SPTAN1: variants seen among roughly 807,000 people sequenced by gnomAD.
SPTAN1 encodes the protein spectrin alpha chain, non-erythrocytic 1.
In SPTAN1, 61 loss-of-function variants were observed where a neutral mutation model predicts 331.3. That is an observed-to-expected ratio of 0.18 (90% CI 0.15 to 0.23). SPTAN1 has a LOEUF of 0.23. Ranked by LOEUF, SPTAN1 falls within the 10% of genes least tolerant of loss-of-function variation. The pLI, the probability that SPTAN1 is intolerant of heterozygous loss-of-function variation, is 1.00. For synonymous variants in SPTAN1, 1,153 were observed against 1,173.9 expected, an observed-to-expected ratio of 0.98 and a Z score of 0.36; for missense variants, 2,043 against 3,147.9, an observed-to-expected ratio of 0.65 and a Z score of 8.40.
chr9:128,631,496 C>G (rs1361966739), intron 52 of SPTAN1: 2 of 153,128 alleles, frequency 1.3e-5, no homozygotes, highest in Non-Finnish European at 2.9e-5. Context: ...TACACCTGCT[C>G]AAAGTCCAGC....
chr9:128,579,742 A>G lies in SPTAN1; in HGVS notation c.1323+4A>G. The G allele has an allele frequency of 6.2e-7, 1 of 1,612,954 alleles. No homozygotes were observed. The highest frequency in any genetic ancestry group is 2.2e-5 in the East Asian group (1 of 44,866). The stretch of plus-strand genomic sequence containing the variant: ...CTCAGATGAAGTGAGGGAGAAGGTA[A>G]GAGAAGAGAAATGGAGCTTTTGAGG... On this transcript the variant is annotated splice_donor_region_variant and intron_variant, in intron 10 of 56. Coordinates refer to ENST00000372739, the MANE Select transcript of SPTAN1 (RefSeq NM_001130438.3).
chr9:128,626,758 CACTTAACTGA>C, intron 49 of SPTAN1, 71 bp downstream of exon 49: 1 of 1,422,560 alleles, frequency 7.0e-7, no homozygotes, highest in East Asian at 2.5e-5. Context: ...TCAGAGCCCA[CACTTAACTGA>C]GTCACGACAA....
chr9:128,603,544 C>G lies in SPTAN1; in HGVS notation c.3581C>G (p.Ser1194Cys), dbSNP rs1369291210. The part of the protein sequence containing the change: ...TDSKTASPWK[S>C]ARLMVHTVAT... Reference sequence around the variant, plus strand: ...CCTTCTGCTTTCCTCCCTACCTAGTCTGCTCGTCTGATGGTTCACACCGTG... The same window carrying G: ...CCTTCTGCTTTCCTCCCTACCTAGTGTGCTCGTCTGATGGTTCACACCGTG... Residue 1194 changes from serine (S) to cysteine (C), a missense_variant and splice_region_variant, in exon 28 of 57, where the codon TCT becomes TGT. Physicochemically the swap from Ser to Cys is moderately radical, Grantham distance 112 (BLOSUM62 -1). This residue lies in a region of SPTAN1 where 1,038 missense variants were observed against 1,531.5 expected (regional missense o/e 0.68). Transcript: ENST00000372739. 1 of 1,614,224 alleles carries G rather than the reference C, an allele frequency of 6.2e-7. No homozygotes were observed.
intron 34 of SPTAN1, 145 bp downstream of exon 34, chr9:128,608,421 T>A: frequency 9.4e-7 from 1 of 1,065,540 alleles, no homozygotes; most frequent in Non-Finnish European, 1.3e-6. Context: ...TAAAACTTTA[T>A]AGATTCTGGT....
intron 1 of SPTAN1, among the ~76,000 whole-genome samples, chr9:128,560,846 A>G (rs1040791695): frequency 6.0e-5 from 9 of 150,342 alleles, no homozygotes; most frequent in Non-Finnish European, 1.3e-4. Context: ...GTGAAACCCA[A>G]TCTCTACAAA....
In SPTAN1 at chr9:128,627,718, G is replaced by A. The variant is rs1858980040; in HGVS notation, c.6690-207G>A. 2 of 797,064 alleles carry A rather than the reference G, an allele frequency of 2.5e-6. No individual in the cohort carries two copies. Among genetic ancestry groups the A allele is most frequent in the Admixed American group, 1.8e-5 (1 of 56,146 alleles). 49.4% of individuals were successfully genotyped at this position (797,064 alleles called of 1,614,324 possible). ...GCATGTCCCAGACATCAAGTTGTTA[G>A]AGATCCCGGATTGAGTGGGACCATG... On this transcript the variant is annotated intron_variant, in intron 50 of 56. Coordinates refer to ENST00000372739, the MANE Select transcript of SPTAN1 (RefSeq NM_001130438.3). The surrounding 1 kb of genome is among the most constrained non-coding windows in gnomAD (Gnocchi z 4.9).
At chr9:128,621,753 C>T (rs1277160226) in intron 45 of SPTAN1, 1 of 182,744 alleles carries the variant, frequency 5.5e-6, no homozygotes, top group African/African-American at 2.4e-5. Flanking sequence ...AACCTCGAGG[C>T]TGTACAGGGC....
chr9:128,582,698 T>G lies in SPTAN1; in HGVS notation c.1655T>G (p.Leu552Trp), dbSNP rs1852093848. Residue 552 changes from leucine (L) to tryptophan (W), a missense_variant, in exon 14 of 57, where the codon TTG (leucine) becomes TGG (tryptophan). Around this residue, in one of 12 missense-constraint regions of SPTAN1, gnomAD observed 1,038 missense variants for 1,531.5 expected, o/e 0.68. Transcript: ENST00000372739. The stretch of plus-strand genomic sequence containing the variant: ...CAGGGGATCCTTGTCTTTCAGCTGT[T>G]GAGCCGCCGCAATGCCCTTCACGAG... ...EDVATRRDALLSRRNALHERA... is the reference protein window; with the variant it reads ...EDVATRRDALWSRRNALHERA... The G allele has an allele frequency of 2.5e-6, 4 of 1,613,406 alleles. No homozygotes were observed. In the African/African-American group the frequency reaches 5.3e-5, roughly 21 times the overall value.
chr9:128,619,798 A>G (rs1436094433), intron 44 of SPTAN1, among the ~76,000 whole-genome samples: 1 of 152,262 alleles, frequency 6.6e-6, no homozygotes, highest in Non-Finnish European at 1.5e-5. Flanking sequence ...CTGTTGCTAC[A>G]TAACAACCCG....
chr9:128,588,397 C>T (rs1456215445), intron 20 of SPTAN1, among the ~76,000 whole-genome samples: 14 of 147,664 alleles, frequency 9.5e-5, no homozygotes, highest in African/African-American at 2.3e-4. Context: ...CCGCAACCTC[C>T]GCCTCCCAGG....
chr9:128,615,726 A>G lies in SPTAN1; in HGVS notation c.5243A>G (p.Asn1748Ser), dbSNP rs1435643999. The change falls in exon 41 of 57, where the codon AAC becomes AGC. Residue 1748 changes from asparagine (N) to serine (S), a missense_variant. Around this residue, in one of 12 missense-constraint regions of SPTAN1, gnomAD observed 323 missense variants for 581.1 expected, o/e 0.56. Transcript: ENST00000372739. ...GTAAAGGACAAGAGGGACACCATCA[A>G]CGGGCGCTTCCAGAAGATCAAGAGC... ...SQVKDKRDTI[N>S]GRFQKIKSMA... The G allele has an allele frequency of 7.4e-6, 12 of 1,614,048 alleles. No homozygotes were observed. The highest frequency in any genetic ancestry group is 1.0e-5 in the Non-Finnish European group (12 of 1,180,038).
chr9:128,553,533 C>T (rs1848352946), intron 1 of SPTAN1, among the ~76,000 whole-genome samples: 1 of 152,148 alleles, frequency 6.6e-6, no homozygotes, highest in South Asian at 2.1e-4. Flanking sequence ...TGAAAGCTGT[C>T]CCTGAGAATT....
At chr9:128,580,314 T>C (rs1399968423) in intron 10 of SPTAN1, among the ~76,000 whole-genome samples, 2 of 148,548 alleles carry the variant, frequency 1.3e-5, no homozygotes, top group Admixed American at 6.7e-5. Context: ...ATAAAATATG[T>C]ATATATATAC....
Position 128,576,948 on chromosome 9 carries a change from C to T in SPTAN1, c.777C>T (p.Arg259=). The change falls in exon 6 of 57, where the codon CGC becomes CGT. Residue 259 remains arginine, a synonymous_variant. Transcript: ENST00000372739. ...GKLFGAAEVQ[R]FNRDVDETIS... is the part of the protein sequence containing the mutation. ...TCTTTGGGGCAGCAGAAGTTCAGCG[C>T]TTTAACAGGTGTCAAGCCAGAGTGG... The T allele has an allele frequency of 6.2e-7, 1 of 1,614,128 alleles. No homozygotes were observed. Among genetic ancestry groups the T allele is most frequent in the South Asian group, 1.1e-5 (1 of 91,090 alleles).
At chr9:128,608,818 C>A in intron 34 of SPTAN1, 56 bp from the exon 35 acceptor site, 1 of 1,550,404 alleles carries the variant, frequency 6.4e-7, no homozygotes, top group South Asian at 1.1e-5. Flanking sequence ...GACTGGCAGT[C>A]CAGGCAGGGC....
At chr9:128,555,490 C>T in intron 1 of SPTAN1, 1 of 1,067,326 alleles carries the variant, frequency 9.4e-7, no homozygotes, top group South Asian at 1.4e-5. Context: ...GTTGAATGAT[C>T]CAAAGAAAGG....
intron 31 of SPTAN1, 90 bp downstream of exon 31, chr9:128,605,567 G>T: frequency 6.6e-7 from 1 of 1,506,966 alleles, no homozygotes; most frequent in African/African-American, 1.4e-5. Flanking sequence ...TGCTCAGCAG[G>T]GTACAATGGC....
Position 128,629,515 on chromosome 9 carries a change from G to A in SPTAN1, c.6708-806G>A, listed in dbSNP as rs1429660735. The A allele has an allele frequency of 8.1e-6, 2 of 245,810 alleles. No individual in the cohort carries two copies. The highest frequency in any genetic ancestry group is 1.6e-5 in the Non-Finnish European group (2 of 128,916). 15.2% of individuals were successfully genotyped at this position (245,810 alleles called of 1,614,324 possible). A position where few individuals can be genotyped will look rare whatever the true frequency, so the allele number is the denominator to read the frequency against. On this transcript the variant is annotated intron_variant, in intron 51 of 56. Coordinates refer to ENST00000372739, the MANE Select transcript of SPTAN1 (RefSeq NM_001130438.3). The surrounding 1 kb of genome is among the most constrained non-coding windows in gnomAD (Gnocchi z 4.9). ...AAAGGGTAGGTTGGGGTGAATGTGG[G>A]TACAGGGGAGCCTGGGCTAAAACCC...
intron 1 of SPTAN1, among the ~76,000 whole-genome samples, chr9:128,557,281 T>C (rs552321659): frequency 4.6e-5 from 7 of 152,358 alleles, no homozygotes; most frequent in African/African-American, 1.7e-4. Context: ...TTCAACTTGC[T>C]GAAAGAATGG....
Sources: gnomAD v4.1 joint callset for allele counts (sites outside exome capture counted in the v4.1 genomes callset) on GRCh38, gnomAD v4.1.1 for gene constraint, gnomAD v4.1.1 regional missense constraint, Gnocchi (gnomAD v3.1) non-coding constraint, MANE v1.5 for transcripts, NCBI Gene and HGNC (gene_info 2026-07-23, HGNC 2026-07-21) for gene names.